The following CDH12 variants were observed in gnomAD, a reference collection of about 807,000 sequenced individuals.
CDH12 encodes cadherin 12, also known as cadherin-12.
CDH12 carries 41 observed loss-of-function variants against 74.1 expected under a neutral mutation model. The observed-to-expected ratio is 0.55, with a 90% CI of 0.43 to 0.72. CDH12 has a LOEUF of 0.72. Among genes scored for constraint, CDH12 ranks in the 30% least tolerant of loss-of-function variants. The pLI, the probability that CDH12 is intolerant of heterozygous loss-of-function variation, is 0.00. For synonymous variants in CDH12, 399 were observed against 355.0 expected, an observed-to-expected ratio of 1.12 and a Z score of -1.39; for missense variants, 945 against 977.2, an observed-to-expected ratio of 0.97 and a Z score of 0.44.
intron 9 of CDH12, among the ~76,000 whole-genome samples, chr5:21,815,549 CT>C (rs1747993715): frequency 6.6e-6 from 1 of 152,200 alleles, no homozygotes; most frequent in Non-Finnish European, 1.5e-5. Flanking sequence ...AATATTTCAA[CT>C]AACTTTGCCC....
chr5:21,933,385 C>T (rs758286261), intron 6 of CDH12, among the ~76,000 whole-genome samples: 7 of 152,082 alleles, frequency 4.6e-5, no homozygotes, highest in Non-Finnish European at 1.0e-4. Flanking sequence ...TAAGAGGGAA[C>T]AGGGCAGAGC....
intron 3 of CDH12, among the ~76,000 whole-genome samples, chr5:22,367,069 G>T (rs544321324): frequency 3.3e-5 from 5 of 152,272 alleles, no homozygotes; most frequent in Non-Finnish European, 7.4e-5. Context: ...ACTACTTCTA[G>T]AAAATAATCG....
At chr5:21,964,115 T>C (rs1756479017) in intron 6 of CDH12, among the ~76,000 whole-genome samples, 1 of 151,936 alleles carries the variant, frequency 6.6e-6, no homozygotes, top group Non-Finnish European at 1.5e-5. Context: ...AGCACTTATT[T>C]AAATGCCCTT....
chr5:22,336,820 C>A (rs1739605277), intron 3 of CDH12, among the ~76,000 whole-genome samples: 1 of 152,166 alleles, frequency 6.6e-6, no homozygotes, highest in South Asian at 2.1e-4. Flanking sequence ...ACACAGAGTC[C>A]CTATTGGGGC....
At chr5:21,855,093 C>A (rs1440533795) in intron 6 of CDH12, among the ~76,000 whole-genome samples, 1 of 151,624 alleles carries the variant, frequency 6.6e-6, no homozygotes, top group Non-Finnish European at 1.5e-5. Context: ...AGCATGGACA[C>A]CACTTATATT....
At chr5:22,088,080 A>T (rs1304864616) in intron 4 of CDH12, among the ~76,000 whole-genome samples, 2 of 152,220 alleles carry the variant, frequency 1.3e-5, no homozygotes, top group Non-Finnish European at 2.9e-5. Context: ...GTGCATTCTG[A>T]GAGTGAAATT....
chr5:21,924,022 T>C (rs987716358), intron 6 of CDH12, among the ~76,000 whole-genome samples: 1 of 152,206 alleles, frequency 6.6e-6, no homozygotes, highest in African/African-American at 2.4e-5. Flanking sequence ...CTAAACTGTC[T>C]CCTTCCTCTA....
intron 12 of CDH12, among the ~76,000 whole-genome samples, chr5:21,764,023 G>A (rs1561163546): frequency 1.3e-5 from 2 of 152,130 alleles, no homozygotes; most frequent in African/African-American, 4.8e-5. Context: ...AATATACTGG[G>A]AAAATGCACT....
intron 5 of CDH12, among the ~76,000 whole-genome samples, chr5:21,988,799 C>T (rs1348155487): frequency 6.6e-6 from 1 of 152,044 alleles, no homozygotes; most frequent in Non-Finnish European, 1.5e-5. Context: ...TAATACTTTC[C>T]ACGTTCTAGG....
intron 3 of CDH12, among the ~76,000 whole-genome samples, chr5:22,252,824 GA>G: frequency 6.6e-6 from 1 of 151,638 alleles, no homozygotes; most frequent in African/African-American, 2.4e-5. Context: ...CTATGTCCAG[GA>G]ATTTTTTTTT....
At position 22,336,311 on chromosome 5, in the gene CDH12, CA is replaced by C. The variant is rs201044601; in HGVS notation, c.-333+68945del. ...GACAATGTGATGGAAAAGAAAATCC[CA>C]TTATCTGAAGAGAAATTCAAGAGGG... is the stretch of plus-strand genomic sequence containing the variant. On this transcript the variant is annotated intron_variant, in intron 3 of 14. Coordinates refer to ENST00000382254, the MANE Select transcript of CDH12 (RefSeq NM_004061.5). Among the ~76,000 whole-genome samples, 829 of 152,292 alleles carry C rather than the reference CA, an allele frequency of 5.4e-3. 6 individuals carry two copies. Among genetic ancestry groups the C allele is most frequent in the Middle Eastern group, 0.051 (15 of 294 alleles).
At position 22,012,496 on chromosome 5, in the gene CDH12, T is replaced by A. The variant is rs1055114105; in HGVS notation, c.232-37111A>T. 1.4e-4 allele frequency among the ~76,000 whole-genome samples: 22 copies of A among 152,256 alleles called. No individual in the cohort carries two copies. In the South Asian group the frequency reaches 1.9e-3, roughly 13 times the overall value. On this transcript the variant is annotated intron_variant, in intron 5 of 14. Transcript: ENST00000382254. ...TCTTCTATTTTTAAGAGTGTAAAAT[T>A]TGTCTTTCAGTTGACAGTGAGTTAC...
At chr5:22,360,157 G>A (rs2150473235) in intron 3 of CDH12, among the ~76,000 whole-genome samples, 1 of 152,010 alleles carries the variant, frequency 6.6e-6, no homozygotes, top group Non-Finnish European at 1.5e-5. Flanking sequence ...TTTTTTGAAA[G>A]GATCAACAAA....
At chr5:22,334,216 A>G (rs1358097340) in intron 3 of CDH12, among the ~76,000 whole-genome samples, 3 of 152,126 alleles carry the variant, frequency 2.0e-5, no homozygotes, top group African/African-American at 7.2e-5. Flanking sequence ...AGCAATCTAA[A>G]AAAAAGAAAT....
At chr5:21,991,995 A>C (rs1269733273) in intron 5 of CDH12, among the ~76,000 whole-genome samples, 1 of 151,990 alleles carries the variant, frequency 6.6e-6, no homozygotes, top group Non-Finnish European at 1.5e-5. Flanking sequence ...GAGTAATCTT[A>C]ATCCCAAAGA....
chr5:22,326,496 A>G (rs937970415), intron 3 of CDH12, among the ~76,000 whole-genome samples: 2 of 152,122 alleles, frequency 1.3e-5, no homozygotes, highest in Non-Finnish European at 1.5e-5. Flanking sequence ...CGGCCTCCCA[A>G]AGTGCTGGGA....
In CDH12 at chr5:21,802,332, G is replaced by A. The variant is rs1167122604; in HGVS notation, c.1091C>T (p.Pro364Leu). ...CTTCACCGTAGCTGTGTCTTTGAAA[G>A]GGCCCGCCGAGTGAAACCGGTGGTC... ...HLDHRFHSAG[P>L]FKDTATVKIS... is the part of the protein sequence containing the mutation. The change falls in exon 10 of 15, where the codon CCT (proline) becomes CTT (leucine). Residue 364 changes from proline to leucine, a missense_variant. Physicochemically the swap from Pro to Leu is moderately conservative, Grantham distance 98. Coordinates refer to ENST00000382254, the MANE Select transcript of CDH12 (RefSeq NM_004061.5). The A allele has an allele frequency of 1.2e-6, 2 of 1,613,846 alleles. No individual in the cohort carries two copies. Among genetic ancestry groups the A allele is most frequent in the African/African-American group, 2.7e-5 (2 of 74,976 alleles).
intron 2 of CDH12, among the ~76,000 whole-genome samples, chr5:22,437,012 C>A (rs1744424877): frequency 6.6e-6 from 1 of 151,958 alleles, no homozygotes; most frequent in Non-Finnish European, 1.5e-5. Flanking sequence ...TATAAATTAA[C>A]ATGCCTTTTA....
chr5:22,572,286 AAATT>A (rs1226341068), intron 1 of CDH12, among the ~76,000 whole-genome samples: 1 of 152,154 alleles, frequency 6.6e-6, no homozygotes, highest in Non-Finnish European at 1.5e-5. Flanking sequence ...TTAATACTAA[AAATT>A]TTTTAGTATT....
Sources: allele counts gnomAD v4.1 joint callset (sites outside exome capture counted in the v4.1 genomes callset), GRCh38; gene constraint gnomAD v4.1.1; transcripts MANE v1.5; gene names NCBI Gene and HGNC (gene_info 2026-07-23, HGNC 2026-07-21).